The following BMPR1B variants were observed in gnomAD, a reference collection of about 807,000 sequenced individuals.
BMPR1B encodes bone morphogenetic protein receptor type 1B.
A neutral mutation model predicts 59.1 loss-of-function variants in BMPR1B; 12 were observed. That is an observed-to-expected ratio of 0.20 (90% confidence interval 0.13 to 0.33). The LOEUF (loss-of-function observed/expected upper bound fraction) is 0.33, where lower values mean the gene tolerates loss of function less well. Among genes scored for constraint, BMPR1B ranks in the 10% least tolerant of loss-of-function variants. The pLI is 1.00. For missense variants in BMPR1B, 550 were observed against 610.9 expected, an observed-to-expected ratio of 0.90 and a Z score of 1.05; for synonymous variants, 237 against 207.3, an observed-to-expected ratio of 1.14 and a Z score of -1.23.
chr4:95,112,442 T>G (rs747679584), intron 4 of BMPR1B, among the ~76,000 whole-genome samples: 2 of 152,102 alleles, frequency 1.3e-5, no homozygotes, highest in Non-Finnish European at 2.9e-5. Context: ...CATTTGTACT[T>G]GCTTTAGGGT....
intron 3 of BMPR1B, among the ~76,000 whole-genome samples, chr4:95,088,205 C>T (rs1337062400): frequency 6.6e-6 from 1 of 152,070 alleles, no homozygotes; most frequent in East Asian, 1.9e-4. Flanking sequence ...AAATGGCTTT[C>T]AGCACACTGT....
chr4:94,893,626 T>A (rs925503378), intron 2 of BMPR1B, among the ~76,000 whole-genome samples: 1 of 152,016 alleles, frequency 6.6e-6, no homozygotes, highest in Non-Finnish European at 1.5e-5. Flanking sequence ...AGAGAAATGT[T>A]CCTTATTCAA....
At chr4:94,823,627 G>A (rs2110658096) in intron 1 of BMPR1B, among the ~76,000 whole-genome samples, 1 of 152,262 alleles carries the variant, frequency 6.6e-6, no homozygotes, top group East Asian at 1.9e-4. Flanking sequence ...ATAAGGCAAA[G>A]ATGTAACCAT....
intron 2 of BMPR1B, among the ~76,000 whole-genome samples, chr4:94,906,933 T>C (rs969937069): frequency 2.6e-5 from 4 of 152,082 alleles, no homozygotes; most frequent in East Asian, 1.9e-4. Flanking sequence ...AGTTAATTTA[T>C]GGGTTTTGTA....
chr4:94,944,321 TTTA>T (rs1313604158), intron 2 of BMPR1B, among the ~76,000 whole-genome samples: 1 of 152,170 alleles, frequency 6.6e-6, no homozygotes, highest in East Asian at 1.9e-4. Flanking sequence ...GTTTATATGT[TTTA>T]TTATTTAAAA....
intron 2 of BMPR1B, among the ~76,000 whole-genome samples, chr4:94,944,477 G>A (rs1042647535): frequency 1.3e-5 from 2 of 152,084 alleles, no homozygotes; most frequent in South Asian, 2.1e-4. Flanking sequence ...ATGCATTATT[G>A]ATTTGCATTT....
chr4:94,802,233 A>C (rs1266738665), intron 1 of BMPR1B, among the ~76,000 whole-genome samples: 2 of 152,100 alleles, frequency 1.3e-5, no homozygotes, highest in Non-Finnish European at 2.9e-5. Context: ...AAATCTAAGC[A>C]CTTGTGTTGA....
At chr4:95,023,369 AT>A (rs1724126451) in intron 3 of BMPR1B, among the ~76,000 whole-genome samples, 1 of 152,002 alleles carries the variant, frequency 6.6e-6, no homozygotes. Flanking sequence ...TTTAAGACTC[AT>A]TTCTTTTATT....
chr4:94,991,112 A>G (rs1292072190), intron 2 of BMPR1B, among the ~76,000 whole-genome samples: 1 of 152,180 alleles, frequency 6.6e-6, no homozygotes, highest in Non-Finnish European at 1.5e-5. Context: ...TAATCTTTCC[A>G]TGACATTCGA....
intron 1 of BMPR1B, among the ~76,000 whole-genome samples, chr4:94,838,631 C>G (rs1724919112): frequency 7.1e-6 from 1 of 141,416 alleles, no homozygotes; most frequent in African/African-American, 2.7e-5. Flanking sequence ...TTTATTGTGT[C>G]TATTTGATTC....
At chr4:95,104,641 G>A in intron 4 of BMPR1B, 74 bp downstream of exon 4, 2 of 1,565,168 alleles carry the variant, frequency 1.3e-6, no homozygotes, top group Non-Finnish European at 1.8e-6. Flanking sequence ...CTGTAGGCTA[G>A]TGTTTCAAAG....
chr4:94,867,150 A>T (rs1726279039), intron 1 of BMPR1B, among the ~76,000 whole-genome samples: 1 of 152,140 alleles, frequency 6.6e-6, no homozygotes, highest in Non-Finnish European at 1.5e-5. Context: ...TAAAGGTTCC[A>T]AGAAACCACT....
At chr4:94,947,103 GTAAA>G (rs1338312917) in intron 2 of BMPR1B, among the ~76,000 whole-genome samples, 10 of 151,986 alleles carry the variant, frequency 6.6e-5, no homozygotes, top group Non-Finnish European at 1.3e-4. Context: ...AACCAAAAGG[GTAAA>G]TAAAGGGGAA....
chr4:94,877,613 C>T (rs1333881378), intron 2 of BMPR1B, among the ~76,000 whole-genome samples: 1 of 152,146 alleles, frequency 6.6e-6, no homozygotes, highest in Non-Finnish European at 1.5e-5. Flanking sequence ...CATCCCCTAC[C>T]CCCAGTAGGA....
intron 3 of BMPR1B, among the ~76,000 whole-genome samples, chr4:95,043,200 AAAAAAAAAAAAG>A (rs1382837590): frequency 6.6e-6 from 1 of 150,492 alleles, no homozygotes; most frequent in Non-Finnish European, 1.5e-5. Flanking sequence ...AAAAAAAAAA[AAAAAAAAAAAAG>A]AATTACCTCA....
chr4:94,894,063 A>G (rs1727495219), intron 2 of BMPR1B, among the ~76,000 whole-genome samples: 1 of 152,056 alleles, frequency 6.6e-6, no homozygotes, highest in South Asian at 2.1e-4. Flanking sequence ...GGGATCACAT[A>G]TATCTCATAA....
chr4:94,797,293 A>G (rs1016488743), intron 1 of BMPR1B, among the ~76,000 whole-genome samples: 4 of 152,228 alleles, frequency 2.6e-5, no homozygotes, highest in Non-Finnish European at 5.9e-5. Flanking sequence ...ATAGAATTCA[A>G]TTTGAGATTT....
intron 1 of BMPR1B, among the ~76,000 whole-genome samples, chr4:94,821,542 G>C (rs1323526612): frequency 6.6e-6 from 1 of 152,038 alleles, no homozygotes; most frequent in Non-Finnish European, 1.5e-5. Flanking sequence ...GTTGGAAATG[G>C]TTCCTGCCTC....
chr4:94,816,679 T>C (rs534808333), intron 1 of BMPR1B, among the ~76,000 whole-genome samples: 15 of 152,348 alleles, frequency 9.8e-5, no homozygotes, highest in Admixed American at 7.8e-4. Context: ...AAAATCTAGC[T>C]ACTGCATTGT....
Sources: gnomAD v4.1 joint callset for allele counts (sites outside exome capture counted in the v4.1 genomes callset) on GRCh38, gnomAD v4.1.1 for gene constraint, MANE v1.5 for transcripts, NCBI Gene and HGNC (gene_info 2026-07-23, HGNC 2026-07-21) for gene names.